The following LRGUK variants were observed in gnomAD, a reference collection of about 807,000 sequenced individuals.
LRGUK encodes leucine rich repeats and guanylate kinase domain containing.
Under a neutral mutation model 76.0 loss-of-function variants are expected in LRGUK, and 65 were observed. The observed-to-expected ratio is 0.85, with a 90% CI of 0.70 to 1.05. The LOEUF (loss-of-function observed/expected upper bound fraction) is 1.05. Among genes scored for constraint, LRGUK ranks in the 50% least tolerant of loss-of-function variants. The pLI is 0.00. For synonymous variants in LRGUK, 268 were observed against 265.6 expected (o/e 1.01, Z -0.09); for missense variants, 758 against 732.8 (o/e 1.03, Z -0.40).
At chr7:134,212,718 G>GCA (rs1801320963), downstream of LRGUK, among the ~76,000 whole-genome samples, 1 of 152,276 alleles carries the variant, frequency 6.6e-6, no homozygotes, top group South Asian at 2.1e-4. Context: ...CATTTATTGA[G>GCA]CACACGCTAT....
chr7:134,145,521 A>G (rs1161818519), intron 4 of LRGUK, among the ~76,000 whole-genome samples: 1 of 152,228 alleles, frequency 6.6e-6, no homozygotes, highest in Non-Finnish European at 1.5e-5. Context: ...TGCTGGGATT[A>G]CAGGTGTGAG....
intron 3 of LRGUK, among the ~76,000 whole-genome samples, chr7:134,141,033 AGGAAATCGCGGAGTGGT>A (rs1358841619): frequency 6.6e-6 from 1 of 152,128 alleles, no homozygotes; most frequent in African/African-American, 2.4e-5. Flanking sequence ...TTTGCTGGGT[AGGAAATCGCGGAGTGGT>A]GGGGGCCTTG....
At chr7:134,201,539 G>A (rs1043697230) in exon 15 of LRGUK, 2 of 1,613,634 alleles carry the variant, frequency 1.2e-6, no homozygotes, top group African/African-American at 2.7e-5. Context: ...ACCTTGGATT[G>A]ACTGAGGAAC....
chr7:134,267,477 C>A (rs925875536), downstream of LRGUK, among the ~76,000 whole-genome samples: 1 of 152,138 alleles, frequency 6.6e-6, no homozygotes, highest in Non-Finnish European at 1.5e-5. Flanking sequence ...ATTGTAGCTC[C>A]CATAATTCCC....
At chr7:134,156,884 CA>C (rs566076796) in intron 5 of LRGUK, among the ~76,000 whole-genome samples, 4 of 151,636 alleles carry the variant, frequency 2.6e-5, no homozygotes, top group African/African-American at 7.3e-5. Flanking sequence ...TATTTTAAGG[CA>C]AAAAAATGGC....
At chr7:134,139,575 G>A (rs1342621136) in intron 3 of LRGUK, 58 bp downstream of exon 3, 12 of 1,091,320 alleles carry the variant, frequency 1.1e-5, no homozygotes, top group Non-Finnish European at 1.7e-5. Flanking sequence ...AAACGTTGCA[G>A]TATGTAATAT....
intron 12 of LRGUK, among the ~76,000 whole-genome samples, chr7:134,195,727 C>CAT (rs149039525): frequency 1.5e-3 from 230 of 149,896 alleles, no homozygotes; most frequent in African/African-American, 3.5e-3. Context: ...GAGAGCCAGA[C>CAT]ATATATATAT....
intron 18 of LRGUK, among the ~76,000 whole-genome samples, chr7:134,252,095 A>G (rs1802461100): frequency 6.6e-6 from 1 of 151,988 alleles, no homozygotes; most frequent in Non-Finnish European, 1.5e-5. Flanking sequence ...GTACTTTGGG[A>G]AGGCAAGGTA....
intron 15 of LRGUK, among the ~76,000 whole-genome samples, chr7:134,204,452 A>G (rs1800918540): frequency 6.6e-6 from 1 of 152,226 alleles, no homozygotes; most frequent in Non-Finnish European, 1.5e-5. Context: ...TGAGCCATCT[A>G]GTTACTGACT....
At chr7:134,163,274 G>C (rs771935026) in intron 6 of LRGUK, 123 bp from the exon 7 acceptor site, 47 of 785,486 alleles carry the variant, frequency 6.0e-5, no homozygotes, top group Non-Finnish European at 8.9e-5. Flanking sequence ...TGGAGGGAAG[G>C]ACAAGAATGC....
the LRGUK span, among the ~76,000 whole-genome samples, chr7:134,274,286 A>T: frequency 6.6e-6 from 1 of 152,238 alleles, no homozygotes; most frequent in Non-Finnish European, 1.5e-5. Context: ...TTGACCCAAC[A>T]GTGATTTTGA....
chr7:134,210,388 A>G (rs574061035), downstream of LRGUK: 120 of 397,782 alleles, frequency 3.0e-4, no homozygotes, highest in African/African-American at 2.4e-3. Context: ...AAGATTAAAA[A>G]AAACATAATT....
chr7:134,229,319 C>T (rs1220689641), intron 16 of LRGUK, among the ~76,000 whole-genome samples: 11 of 151,618 alleles, frequency 7.3e-5, no homozygotes, highest in African/African-American at 1.2e-4. Flanking sequence ...GCTGAGATCG[C>T]GCCACTGCGC....
At chr7:134,174,701 C>A in intron 8 of LRGUK, 65 bp downstream of exon 8, 1 of 864,774 alleles carries the variant, frequency 1.2e-6, no homozygotes, top group Non-Finnish European at 1.9e-6. Flanking sequence ...GGGAAACTAT[C>A]TAGGAATTCT....
intron 18 of LRGUK, among the ~76,000 whole-genome samples, chr7:134,249,965 T>C (rs949372132): frequency 2.0e-5 from 3 of 152,194 alleles, no homozygotes; most frequent in African/African-American, 7.2e-5. Flanking sequence ...CATAGGTTGC[T>C]GGCTGGTCTA....
intron 16 of LRGUK, among the ~76,000 whole-genome samples, chr7:134,237,050 C>CTTTTTTTT (rs10555261): frequency 1.3e-5 from 1 of 75,164 alleles, no homozygotes; most frequent in Non-Finnish European, 2.8e-5. Context: ...TTTTCTCTTT[C>CTTTTTTTT]TTTTTTTTTT....
chr7:134,262,861 C>T (rs1338185440), intron 19 of LRGUK, among the ~76,000 whole-genome samples: 1 of 150,004 alleles, frequency 6.7e-6, no homozygotes, highest in Non-Finnish European at 1.5e-5. Flanking sequence ...ATCCCAGCTA[C>T]TTGGGAGGCT....
intron 18 of LRGUK, among the ~76,000 whole-genome samples, 192 bp from the exon 19 acceptor site, chr7:134,258,065 C>T (rs1025360962): frequency 2.0e-5 from 3 of 152,130 alleles, no homozygotes; most frequent in Admixed American, 2.0e-4. Flanking sequence ...ACCTATTATA[C>T]TTTAAGAGAT....
chr7:134,230,645 G>T (rs893414568), intron 16 of LRGUK, among the ~76,000 whole-genome samples: 1 of 152,168 alleles, frequency 6.6e-6, no homozygotes, highest in South Asian at 2.1e-4. Flanking sequence ...AATAAAATAC[G>T]TACAGTAATG....
Sources: allele counts gnomAD v4.1 joint callset (sites outside exome capture counted in the v4.1 genomes callset), GRCh38; gene constraint gnomAD v4.1.1; transcripts MANE v1.5; gene names NCBI Gene and HGNC (gene_info 2026-07-23, HGNC 2026-07-21).